The following NID1 variants were observed in gnomAD, a reference collection of about 807,000 sequenced individuals.
NID1 encodes the protein nidogen 1.
Under a neutral mutation model 130.6 loss-of-function variants are expected in NID1, and 76 were observed. The observed-to-expected ratio is 0.58, with a 90% CI of 0.48 to 0.70. The LOEUF is 0.70. Among genes scored for constraint, NID1 ranks in the 30% least tolerant of loss-of-function variants. NID1 has a pLI of 0.00. For missense variants in NID1, 1,517 were observed against 1,664.8 expected (o/e 0.91, Z 1.54); for synonymous variants, 665 against 675.1 (o/e 0.98, Z 0.23).
chr1:236,004,996 G>C (rs1298036950), intron 12 of NID1, among the ~76,000 whole-genome samples: 1 of 151,844 alleles, frequency 6.6e-6, no homozygotes, highest in Non-Finnish European at 1.5e-5. Flanking sequence ...CCAACACGGT[G>C]AAACCCCATC....
intron 19 of NID1, 91 bp downstream of exon 19, chr1:235,978,904 T>C: frequency 1.2e-6 from 1 of 821,366 alleles, no homozygotes; most frequent in Non-Finnish European, 2.1e-6. Flanking sequence ...TAATCAAGGC[T>C]ACTAGTGGCC....
At chr1:236,038,703 ATATATTACC>A in intron 4 of NID1, among the ~76,000 whole-genome samples, 1 of 133,884 alleles carries the variant, frequency 7.5e-6, no homozygotes, top group Non-Finnish European at 1.6e-5. Flanking sequence ...CATATATAAT[ATATATTACC>A]TATGTTATAT....
At chr1:236,057,642 G>A (rs1167132577) in intron 1 of NID1, among the ~76,000 whole-genome samples, 2 of 151,768 alleles carry the variant, frequency 1.3e-5, no homozygotes, top group East Asian at 3.9e-4. Context: ...AGGGTGCAGT[G>A]AGCCGAAATC....
In NID1 at chr1:236,064,866, C is replaced by G; in HGVS notation, c.214G>C (p.Asp72His). The G allele has an allele frequency of 1.2e-6, 2 of 1,611,594 alleles. No individual in the cohort carries two copies. Among genetic ancestry groups the G allele is most frequent in the Non-Finnish European group, 1.7e-6 (2 of 1,179,196 alleles). The change falls in exon 1 of 20, where the codon GAC becomes CAC. Residue 72 changes from aspartate to histidine, a missense_variant. By Grantham distance (81) the Asp-to-His change is moderately conservative. Transcript: ENST00000264187. Reference sequence around the variant, plus strand: ...CGGGGCTCACTCACGTAGACTGCGTCGATGTCGGATCTGTCGTAGAAGCGG... The same window carrying G: ...CGGGGCTCACTCACGTAGACTGCGTGGATGTCGGATCTGTCGTAGAAGCGG... The part of the protein sequence containing the change: ...ALRFYDRSDI[D>H]AVYVTTNGII...
At chr1:236,002,511 C>CAA (rs1226808936) in intron 12 of NID1, among the ~76,000 whole-genome samples, 1 of 150,004 alleles carries the variant, frequency 6.7e-6, no homozygotes. Flanking sequence ...TAAAAACAAA[C>CAA]AAACAAACAA....
rs1176559185 is a variant in NID1 at position 236,048,956 on chromosome 1, G to C, written c.259C>G (p.Pro87Ala). 6 of 1,614,040 alleles carry C rather than the reference G, an allele frequency of 3.7e-6. No homozygotes were observed. In the East Asian group the frequency reaches 8.9e-5, roughly 24 times the overall value. Residue 87 changes from proline (P) to alanine (A), a missense_variant, in exon 2 of 20, where the codon CCC becomes GCC. Pro to Ala is a conservative substitution (Grantham distance 27). This residue lies in a region of NID1 where 1,329 missense variants were observed against 1,429.2 expected (regional missense o/e 0.93). Transcript: ENST00000264187. ...CCGGGATGGGATTCTTTGGCCGGGG[G>C]TTCACTCGTAGCAATGATGCCATTT... is the stretch of plus-strand genomic sequence containing the variant. ...TTNGIIATSE[P>A]PAKESHPGLF...
intron 10 of NID1, among the ~76,000 whole-genome samples, chr1:236,016,409 A>G (rs1658596506): frequency 6.6e-6 from 1 of 152,214 alleles, no homozygotes; most frequent in African/African-American, 2.4e-5. Context: ...CTGACATGGT[A>G]CAAGAGGAAT....
At chr1:236,040,887 ACTC>A (rs1659432860) in intron 4 of NID1, among the ~76,000 whole-genome samples, 1 of 151,810 alleles carries the variant, frequency 6.6e-6, no homozygotes, top group African/African-American at 2.4e-5. Context: ...CTGGTCTCCA[ACTC>A]CTGACCTCAG....
At chr1:236,055,848 T>C (rs1659885614) in intron 1 of NID1, among the ~76,000 whole-genome samples, 2 of 152,098 alleles carry the variant, frequency 1.3e-5, no homozygotes, top group African/African-American at 4.8e-5. Context: ...AACAAAAGTG[T>C]ATAAGTTTAG....
Position 235,980,600 on chromosome 1 carries a change from T to C in NID1, c.3281A>G (p.Tyr1094Cys), listed in dbSNP as rs759853588. ...NRDNPKIETS[Y>C]MDGTNRRILV... ...GATCCTCCGGTTCGTGCCGTCCATG[T>C]AGGAAGTTTCAATCTTGGGGTTATC... The change falls in exon 17 of 20, where the codon TAC becomes TGC. Residue 1094 changes from tyrosine to cysteine, a missense_variant. By Grantham distance (194) the Tyr-to-Cys change is radical. This residue lies in a region of NID1 where 181 missense variants were observed against 211.3 expected (regional missense o/e 0.86). Coordinates refer to ENST00000264187, the MANE Select transcript of NID1 (RefSeq NM_002508.3). 3 of 1,614,150 alleles carry C rather than the reference T, an allele frequency of 1.9e-6. No individual in the cohort carries two copies. The South Asian group carries it at 3.3e-5, about 18-fold the overall frequency.
chr1:236,038,043 C>A, intron 5 of NID1, 61 bp downstream of exon 5: 1 of 1,540,440 alleles, frequency 6.5e-7, no homozygotes, highest in Non-Finnish European at 8.8e-7. Flanking sequence ...AAAACGAGCA[C>A]CAAAACAAAA....
intron 12 of NID1, among the ~76,000 whole-genome samples, chr1:235,998,323 C>T (rs1363859559): frequency 6.6e-6 from 1 of 152,090 alleles, no homozygotes; most frequent in African/African-American, 2.4e-5. Context: ...AAAAACAAAA[C>T]AAAACATTTG....
intron 1 of NID1, among the ~76,000 whole-genome samples, chr1:236,063,741 C>T (rs904302411): frequency 1.3e-5 from 2 of 152,052 alleles, no homozygotes; most frequent in African/African-American, 4.8e-5. Context: ...GACCCAAGAT[C>T]GCACCGCTGC....
chr1:236,008,022 G>T (rs920593494), intron 12 of NID1, among the ~76,000 whole-genome samples: 5 of 151,960 alleles, frequency 3.3e-5, no homozygotes, highest in Admixed American at 3.3e-4. Flanking sequence ...ATACACATGT[G>T]CACACACACA....
At chr1:236,042,322 A>G in intron 3 of NID1, 30 bp from the exon 4 acceptor site, 2 of 1,583,524 alleles carry the variant, frequency 1.3e-6, no homozygotes, top group Non-Finnish European at 1.7e-6. Context: ...TCTTAGAAAC[A>G]GGCCAGCAAC....
chr1:236,014,565 C>T (rs1031609602), intron 10 of NID1, among the ~76,000 whole-genome samples: 2 of 152,194 alleles, frequency 1.3e-5, no homozygotes, highest in African/African-American at 4.8e-5. Flanking sequence ...GTGACACTCA[C>T]CTCCTCCTCA....
chr1:236,041,861 A>C, intron 4 of NID1, 49 bp downstream of exon 4: 1 of 1,558,428 alleles, frequency 6.4e-7, no homozygotes, highest in Non-Finnish European at 8.7e-7. Context: ...GCCTGTCTGG[A>C]AGCCCACACA....
At chr1:235,996,840 G>GC (rs1657937556) in intron 12 of NID1, among the ~76,000 whole-genome samples, 2 of 151,466 alleles carry the variant, frequency 1.3e-5, no homozygotes, top group African/African-American at 4.8e-5. Flanking sequence ...AGACTCCTGT[G>GC]CTTTTTTTTC....
intron 12 of NID1, among the ~76,000 whole-genome samples, chr1:236,000,088 C>T (rs753298227): frequency 1.1e-4 from 17 of 152,096 alleles, no homozygotes; most frequent in Non-Finnish European, 1.9e-4. Flanking sequence ...GTGATGGGCG[C>T]CTGTAATCCT....
Sources: gnomAD v4.1 joint callset for allele counts (sites outside exome capture counted in the v4.1 genomes callset) on GRCh38, gnomAD v4.1.1 for gene constraint, gnomAD v4.1.1 regional missense constraint, MANE v1.5 for transcripts, NCBI Gene and HGNC (gene_info 2026-07-23, HGNC 2026-07-21) for gene names.